MAP4: variants seen among roughly 807,000 people sequenced by gnomAD.
MAP4 encodes microtubule-associated protein 4.
A neutral mutation model predicts 170.2 loss-of-function variants in MAP4; 76 were observed. The observed-to-expected ratio is 0.45, with a 90% CI of 0.37 to 0.54. The LOEUF is 0.54. MAP4 is among the 20% of genes least tolerant of loss of function. MAP4 has a pLI of 0.00. For synonymous variants in MAP4, 909 were observed against 994.5 expected (o/e 0.91, Z 1.62); for missense variants, 2,506 against 2,748.0 (o/e 0.91, Z 1.97).
At chr3:47,884,074 T>A (rs569958072) in intron 10 of MAP4, among the ~76,000 whole-genome samples, 18 of 152,356 alleles carry the variant, frequency 1.2e-4, no homozygotes, top group Admixed American at 3.9e-4. Context: ...CTTTGAACAG[T>A]TGTTCAGCCT....
Position 47,998,576 on chromosome 3 carries a change from C to T in MAP4, c.223+62G>A. 2.3e-6 allele frequency: 3 copies of T among 1,306,900 alleles called. No individual in the cohort carries two copies. The East Asian group carries it at 6.9e-5, about 30-fold the overall frequency. The allele number at this position is 1,306,900 out of a possible 1,614,324, so 81.0% of individuals were successfully genotyped here. On this transcript the variant is annotated intron_variant, in intron 2 of 20. Coordinates refer to ENST00000683076, the MANE Select transcript of MAP4 (RefSeq NM_001385682.1). The stretch of plus-strand genomic sequence containing the variant: ...CAATTCTCAGTTTCCAAGATTATAC[C>T]AAAGGCATAATCCCTAACCTGCTTT...
In MAP4 at chr3:47,858,619, G is replaced by A. The variant is rs935337508; in HGVS notation, c.6502-1107C>T. ...TGTGTGTGTGTGTGTGTGTGTGCGC[G>A]TTGTGTGTGTGTGTGTGTGTGTGTG... is the stretch of plus-strand genomic sequence containing the variant. On this transcript the variant is annotated intron_variant, in intron 17 of 20. Transcript: ENST00000683076. Among the ~76,000 whole-genome samples the A allele has an allele frequency of 7.4e-3, 927 of 125,284 alleles. 6 individuals are homozygous for A. Among genetic ancestry groups the A allele is most frequent in the Non-Finnish European group, 0.011 (656 of 60,988 alleles). The allele number at this position is 125,284 out of a possible 152,430, so 82.2% of individuals were successfully genotyped here.
At chr3:48,056,852 C>G (rs1360998668) in intron 1 of MAP4, among the ~76,000 whole-genome samples, 16 of 109,242 alleles carry the variant, frequency 1.5e-4, no homozygotes, top group African/African-American at 5.4e-4. Flanking sequence ...GGGGGGGGGT[C>G]AGCCCCCCTG....
At chr3:48,065,590 G>A (rs2100137938) in intron 1 of MAP4, among the ~76,000 whole-genome samples, 1 of 152,144 alleles carries the variant, frequency 6.6e-6, no homozygotes, top group Non-Finnish European at 1.5e-5. Context: ...GGACTATATA[G>A]AAGCCTGCCT....
chr3:47,888,245 A>G (rs4858870), intron 10 of MAP4, among the ~76,000 whole-genome samples: 6,436 of 152,238 alleles, frequency 0.042, 304 homozygotes, highest in Admixed American at 0.13. Flanking sequence ...GGCCCAGATA[A>G]GAGAATAAAA....
In MAP4 at chr3:47,976,836, T is replaced by C. The variant is rs532832792; in HGVS notation, c.292+1029A>G. Reference sequence around the variant, plus strand: ...AGAACTTGGTCATCAAAAAATCTGATGTATAAAGATATATACAACTTTCCT... The same window carrying C: ...AGAACTTGGTCATCAAAAAATCTGACGTATAAAGATATATACAACTTTCCT... On this transcript the variant is annotated intron_variant, in intron 3 of 20. Coordinates refer to ENST00000683076, the MANE Select transcript of MAP4 (RefSeq NM_001385682.1). Among the ~76,000 whole-genome samples, 11 of 152,336 alleles carry C rather than the reference T, an allele frequency of 7.2e-5. No individual in the cohort carries two copies. The South Asian group carries it at 2.3e-3, about 32-fold the overall frequency.
rs2040176825 is a variant in MAP4, at chr3:47,850,713, C to G, written c.*2221G>C. On this transcript the variant is annotated 3_prime_UTR_variant, in exon 21 of 21. Coordinates refer to ENST00000683076, the MANE Select transcript of MAP4 (RefSeq NM_001385682.1). ...GCCTGCGTGATGGGACATCAGGCAGCTTTATTTATTTACTCTTAAAACTGT... is the reference window on the plus strand; with the variant it reads ...GCCTGCGTGATGGGACATCAGGCAGGTTTATTTATTTACTCTTAAAACTGT... The G allele has an allele frequency of 6.5e-6, 1 of 154,100 alleles. No individual in the cohort carries two copies. The highest frequency in any genetic ancestry group is 6.3e-5 in the Admixed American group (1 of 15,772). 9.5% of individuals were successfully genotyped at this position (154,100 alleles called of 1,614,324 possible). A position where few individuals can be genotyped will look rare whatever the true frequency, so the allele number is the denominator to read the frequency against.
intron 17 of MAP4, among the ~76,000 whole-genome samples, chr3:47,865,859 G>A (rs2078597735): frequency 6.6e-6 from 1 of 152,136 alleles, no homozygotes. Flanking sequence ...GTGACAAGCG[G>A]AAAGCACACA....
chr3:47,891,603 C>A (rs1356258172), intron 10 of MAP4: 4 of 1,535,910 alleles, frequency 2.6e-6, no homozygotes, highest in Non-Finnish European at 3.5e-6. Context: ...GCCCTGCGCA[C>A]TGCCTTTTTC....
intron 2 of MAP4, among the ~76,000 whole-genome samples, chr3:47,990,746 A>C (rs1323661299): frequency 6.6e-6 from 1 of 152,190 alleles, no homozygotes; most frequent in African/African-American, 2.4e-5. Flanking sequence ...TGTCTCCCTC[A>C]CCTAGAAAAT....
chr3:47,868,200 C>G (rs1238140376), intron 16 of MAP4, among the ~76,000 whole-genome samples: 1 of 152,164 alleles, frequency 6.6e-6, no homozygotes, highest in African/African-American at 2.4e-5. Flanking sequence ...CTCTAAGAGT[C>G]TGGAACAAAG....
rs974200251 is a variant in MAP4 at position 47,852,388 on chromosome 3, C to T, written c.*546G>A. 5 of 186,514 alleles carry T rather than the reference C, an allele frequency of 2.7e-5. No individual in the cohort carries two copies. Among genetic ancestry groups the T allele is most frequent in the Non-Finnish European group, 5.5e-5 (5 of 91,162 alleles). The allele number at this position is 186,514 out of a possible 1,614,324, so 11.6% of individuals were successfully genotyped here. A position where few individuals can be genotyped will look rare whatever the true frequency, so the allele number is the denominator to read the frequency against. ...CACCACCTGCATGGGGAGGGGGGGG[C>T]GCCCATTTGTGGGACCAGAGGGAGA... On this transcript the variant is annotated 3_prime_UTR_variant, in exon 21 of 21. Transcript: ENST00000683076.
At chr3:47,895,614 A>G (rs1228826093) in intron 10 of MAP4, among the ~76,000 whole-genome samples, 1 of 152,232 alleles carries the variant, frequency 6.6e-6, no homozygotes, top group Non-Finnish European at 1.5e-5. Context: ...CAAGCATAGA[A>G]ACTTGTTCCT....
intron 2 of MAP4, among the ~76,000 whole-genome samples, chr3:47,996,324 T>A (rs1041692312): frequency 3.3e-5 from 5 of 152,102 alleles, no homozygotes; most frequent in African/African-American, 7.2e-5. Context: ...GTGAAAAGGA[T>A]AATAACGTTG....
At chr3:47,887,859 CTG>C (rs1400757592) in intron 10 of MAP4, among the ~76,000 whole-genome samples, 2 of 147,338 alleles carry the variant, frequency 1.4e-5, no homozygotes, top group Non-Finnish European at 1.5e-5. Context: ...AATCGGCACT[CTG>C]TATCTAGCTC....
At chr3:48,054,622 T>TC (rs1160541446) in intron 1 of MAP4, among the ~76,000 whole-genome samples, 3 of 78,788 alleles carry the variant, frequency 3.8e-5, no homozygotes, top group East Asian at 7.9e-4. Context: ...AGTGTAAGAC[T>TC]CCATCTCAAA....
chr3:47,936,980 C>CA lies in MAP4; in HGVS notation c.293-8631dup, dbSNP rs10711611. Among the ~76,000 whole-genome samples the CA allele has an allele frequency of 2.7e-3, 254 of 94,294 alleles. 1 individual carries two copies. The highest frequency in any genetic ancestry group is 9.4e-3 in the East Asian group (29 of 3,084). 61.9% of individuals were successfully genotyped at this position (94,294 alleles called of 152,430 possible). On this transcript the variant is annotated intron_variant, in intron 3 of 20. Coordinates refer to ENST00000683076, the MANE Select transcript of MAP4 (RefSeq NM_001385682.1). Reference sequence around the variant, plus strand: ...GGGTGACAAGAGCGAAACTCCGTCTCAAAAAAAAAAAAAAAAAGAAAAGAA... The same window carrying CA: ...GGGTGACAAGAGCGAAACTCCGTCTCAAAAAAAAAAAAAAAAAAGAAAAGAA...
chr3:47,975,384 G>GT, intron 3 of MAP4: 1 of 1,553,014 alleles, frequency 6.4e-7, no homozygotes, highest in South Asian at 1.2e-5. Flanking sequence ...AATGCTGAAG[G>GT]TTTTAGAAGT....
At chr3:48,056,658 G>A (rs1487909158) in intron 1 of MAP4, among the ~76,000 whole-genome samples, 1 of 126,624 alleles carries the variant, frequency 7.9e-6, no homozygotes, top group African/African-American at 3.6e-5. Flanking sequence ...CTGTCTGGGA[G>A]GGAGGTGGGG....
Sources: gnomAD v4.1 joint callset for allele counts (sites outside exome capture counted in the v4.1 genomes callset) on GRCh38, gnomAD v4.1.1 for gene constraint, MANE v1.5 for transcripts, NCBI Gene and HGNC (gene_info 2026-07-23, HGNC 2026-07-21) for gene names.